NEDD9: variants seen among roughly 807,000 people sequenced by gnomAD.
The protein encoded by NEDD9 is neural precursor cell expressed, developmentally down-regulated 9.
NEDD9 carries 26 observed loss-of-function variants against 76.6 expected under a neutral mutation model. The ratio of observed to expected loss-of-function variants is 0.34; its 90% CI spans 0.25 to 0.47. The LOEUF (loss-of-function observed/expected upper bound fraction) is 0.47, where lower values mean the gene tolerates loss of function less well. NEDD9 is among the 20% of genes least tolerant of loss of function. NEDD9 has a pLI of 1.00. For synonymous variants in NEDD9, 392 were observed against 414.2 expected, an observed-to-expected ratio of 0.95 and a Z score of 0.65; for missense variants, 937 against 1,058.5, an observed-to-expected ratio of 0.89 and a Z score of 1.59.
intron 1 of NEDD9, among the ~76,000 whole-genome samples, chr6:11,230,825 G>A (rs186263407): frequency 6.6e-6 from 1 of 152,316 alleles, no homozygotes; most frequent in Non-Finnish European, 1.5e-5. Flanking sequence ...TACGCTGTCA[G>A]TCACTTTATC....
intron 3 of NEDD9, among the ~76,000 whole-genome samples, chr6:11,244,862 C>T (rs113409336): frequency 0.012 from 1,825 of 152,254 alleles, 37 homozygotes; most frequent in African/African-American, 0.041. Context: ...GTTGTCTGTG[C>T]CTCTGGATCT....
rs1330377964 is a variant in NEDD9 at position 11,370,557 on chromosome 6, C to T, written c.-214+11582G>A. ...CCGCCTTTTCTTCCCCTCACAATCTCCTCATGCTTTTCTGTGTCCTTCCCG... is the reference window on the plus strand; with the variant it reads ...CCGCCTTTTCTTCCCCTCACAATCTTCTCATGCTTTTCTGTGTCCTTCCCG... On this transcript the variant is annotated intron_variant, in intron 1 of 3. Transcript: ENST00000397378. The surrounding 1 kb of genome is among the most constrained non-coding windows in gnomAD (Gnocchi z 4.2). Among the ~76,000 whole-genome samples the T allele has an allele frequency of 6.6e-6, 1 of 152,192 alleles. No homozygotes were observed. Among genetic ancestry groups the T allele is most frequent in the Admixed American group, 6.5e-5 (1 of 15,286 alleles).
chr6:11,301,690 T>C (rs1032749194), intron 3 of NEDD9, among the ~76,000 whole-genome samples: 5 of 152,092 alleles, frequency 3.3e-5, no homozygotes, highest in Admixed American at 2.0e-4. Flanking sequence ...GCAATCAAAT[T>C]AGAACTCAGG....
chr6:11,292,726 T>A (rs1044882048), intron 3 of NEDD9, among the ~76,000 whole-genome samples: 1 of 152,184 alleles, frequency 6.6e-6, no homozygotes, highest in Non-Finnish European at 1.5e-5. Flanking sequence ...TACACAGAAT[T>A]TATGCAATGG....
At position 11,358,556 on chromosome 6, in the gene NEDD9, G is replaced by A. The variant is rs189904122; in HGVS notation, c.-214+23583C>T. Among the ~76,000 whole-genome samples the A allele has an allele frequency of 5.9e-5, 9 of 152,334 alleles. No homozygotes were observed. The East Asian group carries it at 1.5e-3, about 26-fold the overall frequency. On this transcript the variant is annotated intron_variant, in intron 1 of 3. Coordinates refer to the NEDD9 transcript ENST00000397378. ...AAAGTTTTCCACTGAGAAGCAGTTTGAAGAGTCAAGTCACCCTAGAGGAAA... is the reference window on the plus strand; with the variant it reads ...AAAGTTTTCCACTGAGAAGCAGTTTAAAGAGTCAAGTCACCCTAGAGGAAA...
At chr6:11,333,859 T>C (rs908360758) in intron 2 of NEDD9, among the ~76,000 whole-genome samples, 6 of 152,232 alleles carry the variant, frequency 3.9e-5, no homozygotes, top group African/African-American at 1.4e-4. Context: ...TCACCATCGT[T>C]GAGGTTGAAT....
At chr6:11,296,842 C>T (rs1760907551) in intron 3 of NEDD9, among the ~76,000 whole-genome samples, 1 of 152,158 alleles carries the variant, frequency 6.6e-6, no homozygotes, top group Non-Finnish European at 1.5e-5. Context: ...AATTCTCCTG[C>T]CTCAGCCTCC....
chr6:11,312,695 T>C (rs1761410415), intron 2 of NEDD9, among the ~76,000 whole-genome samples: 1 of 124,962 alleles, frequency 8.0e-6, no homozygotes, highest in Non-Finnish European at 1.6e-5. Context: ...ATATATATTA[T>C]ATATATATAT....
chr6:11,260,657 T>C (rs1760090758), intron 3 of NEDD9, among the ~76,000 whole-genome samples: 1 of 152,172 alleles, frequency 6.6e-6, no homozygotes, highest in South Asian at 2.1e-4. Context: ...ACAGAAGTGG[T>C]AGAAGTTTAG....
chr6:11,233,467 A>C (rs752688573), upstream of NEDD9: 3 of 518,836 alleles, frequency 5.8e-6, no homozygotes, highest in South Asian at 2.8e-5. Context: ...ATCACCGTCC[A>C]CTGAGTTCTG....
upstream of NEDD9, among the ~76,000 whole-genome samples, chr6:11,237,555 T>C (rs934420166): frequency 2.0e-5 from 3 of 152,176 alleles, no homozygotes; most frequent in Admixed American, 6.5e-5. The surrounding 1 kb of genome is among the most constrained non-coding windows in gnomAD (Gnocchi z 4.9). Context: ...GCTTTTACAT[T>C]TTTAAGTGGT....
rs1294101943 is a variant in NEDD9 at position 11,201,171 on chromosome 6, AG to A, written c.460-7480del. Reference sequence around the variant, plus strand: ...CATCCACTTCACCTCCTTAATGCAGAGCTGGCTAGGTGCCTGGGATGGGGCA... The same window carrying A: ...CATCCACTTCACCTCCTTAATGCAGACTGGCTAGGTGCCTGGGATGGGGCA... On this transcript the variant is annotated intron_variant, in intron 2 of 6. Coordinates refer to ENST00000379446, the MANE Select transcript of NEDD9 (RefSeq NM_006403.4). 1.3e-5 allele frequency: 14 copies of A among 1,113,406 alleles called. No homozygotes were observed. In the African/African-American group the frequency reaches 2.2e-4, roughly 17 times the overall value. The allele number at this position is 1,113,406 out of a possible 1,614,324, so 69.0% of individuals were successfully genotyped here.
At chr6:11,212,264 A>T (rs1758803844) in intron 2 of NEDD9, among the ~76,000 whole-genome samples, 1 of 152,192 alleles carries the variant, frequency 6.6e-6, no homozygotes, top group South Asian at 2.1e-4. Context: ...ACCTTGTAGG[A>T]CCCATTGGAA....
chr6:11,187,133 G>A (rs1040526021), intron 6 of NEDD9, among the ~76,000 whole-genome samples: 4 of 35,044 alleles, frequency 1.1e-4, no homozygotes, highest in Admixed American at 2.1e-4. Flanking sequence ...TCATTAGATG[G>A]GGGGGGTACT....
intron 6 of NEDD9, 73 bp from the exon 7 acceptor site, chr6:11,185,744 A>G (rs1757965365): frequency 4.5e-6 from 7 of 1,555,032 alleles, no homozygotes; most frequent in Non-Finnish European, 5.2e-6. Context: ...TAGGCCTTGG[A>G]GTTAAAAGAC....
chr6:11,236,304 G>T (rs1013057207), upstream of NEDD9, among the ~76,000 whole-genome samples: 5 of 152,184 alleles, frequency 3.3e-5, no homozygotes, highest in African/African-American at 1.2e-4. This position sits in a 1 kb window ranked among gnomAD's most constrained non-coding sequence, Gnocchi z 5.5. Flanking sequence ...CCGCCTGCCT[G>T]CTCTTCAACC....
At position 11,232,608 on chromosome 6, in the gene NEDD9, T is replaced by C. The variant is rs56657645; in HGVS notation, c.-93A>G. The stretch of plus-strand genomic sequence containing the variant: ...CCCCTCCATTGAGTGCAGCGCTAGA[T>C]GAAAGCGAGAAGGTCCCGGGCAGAG... On this transcript the variant is annotated 5_prime_UTR_variant, in exon 1 of 7. Coordinates refer to ENST00000379446, the MANE Select transcript of NEDD9 (RefSeq NM_006403.4). The C allele has an allele frequency of 1.9e-4, 305 of 1,607,972 alleles. 1 individual carries two copies. The African/African-American group carries it at 3.8e-3, about 20-fold the overall frequency.
At chr6:11,260,149 A>G (rs1364042569) in intron 3 of NEDD9, among the ~76,000 whole-genome samples, 1 of 152,222 alleles carries the variant, frequency 6.6e-6, no homozygotes, top group Non-Finnish European at 1.5e-5. Flanking sequence ...TGTTTTTAAT[A>G]TTCTTCCAGG....
chr6:11,224,759 C>T (rs977296387), intron 1 of NEDD9, among the ~76,000 whole-genome samples: 2 of 152,196 alleles, frequency 1.3e-5, no homozygotes, highest in East Asian at 1.9e-4. Flanking sequence ...TTTTGGGAGG[C>T]GGAGGGTGTT....
Sources: allele counts gnomAD v4.1 joint callset (sites outside exome capture counted in the v4.1 genomes callset), GRCh38; gene constraint gnomAD v4.1.1; non-coding constraint Gnocchi (gnomAD v3.1); transcripts MANE v1.5; gene names NCBI Gene and HGNC (gene_info 2026-07-23, HGNC 2026-07-21).